The following RIMS1 variants were observed in gnomAD, a reference collection of about 807,000 sequenced individuals.
RIMS1 encodes the protein regulating synaptic membrane exocytosis 1.
RIMS1 carries 83 observed loss-of-function variants against 214.1 expected under a neutral mutation model. The ratio of observed to expected loss-of-function variants is 0.39; its 90% CI spans 0.32 to 0.47. The LOEUF (loss-of-function observed/expected upper bound fraction) is 0.47. Ranked by LOEUF, RIMS1 falls within the 20% of genes least tolerant of loss-of-function variation. The pLI, the probability that RIMS1 is intolerant of heterozygous loss-of-function variation, is 0.99. For missense variants in RIMS1, 2,050 were observed against 2,161.8 expected (o/e 0.95, Z 1.03); for synonymous variants, 793 against 786.8 (o/e 1.01, Z -0.13).
At chr6:72,108,094 C>A (rs957038870) in intron 4 of RIMS1, among the ~76,000 whole-genome samples, 11 of 152,166 alleles carry the variant, frequency 7.2e-5, no homozygotes, top group Admixed American at 4.6e-4. Context: ...TCAGGGCTCA[C>A]TGCAGCCTTG....
At chr6:72,242,040 G>A (rs548246711) in intron 9 of RIMS1, among the ~76,000 whole-genome samples, 1 of 151,906 alleles carries the variant, frequency 6.6e-6, no homozygotes, top group East Asian at 1.9e-4. Flanking sequence ...TATGATTTCT[G>A]GTATATCTCA....
intron 2 of RIMS1, among the ~76,000 whole-genome samples, chr6:72,083,714 C>G (rs9360524): frequency 0.34 from 51,079 of 152,056 alleles, 10,080 homozygotes; most frequent in South Asian, 0.47. Flanking sequence ...CCATAGGCTA[C>G]ACACGGTGCT....
chr6:71,968,600 A>G (rs1408433208), intron 1 of RIMS1, among the ~76,000 whole-genome samples: 2 of 152,226 alleles, frequency 1.3e-5, no homozygotes, highest in Non-Finnish European at 2.9e-5. Context: ...AGCAAAAGTC[A>G]CAGAATATCC....
At chr6:72,235,061 CTCTTT>C (rs1174679250) in intron 7 of RIMS1, among the ~76,000 whole-genome samples, 1 of 151,816 alleles carries the variant, frequency 6.6e-6, no homozygotes, top group East Asian at 1.9e-4. Context: ...TGTTCCTATT[CTCTTT>C]TATTTTATTT....
intron 33 of RIMS1, 50 bp downstream of exon 33, chr6:72,399,144 A>C: frequency 2.0e-6 from 3 of 1,466,124 alleles, no homozygotes; most frequent in East Asian, 2.3e-5. Context: ...TGTTTTACCC[A>C]TACATCGAAG....
Position 71,930,296 on chromosome 6 carries a change from T to A in RIMS1, c.165-38687T>A, listed in dbSNP as rs139806630. ...GACATATTTCAAGACTATTTAAATA[T>A]GATATCTTCCATCTTAATTTATTTT... On this transcript the variant is annotated intron_variant, in intron 1 of 33. Transcript: ENST00000521978. Among the ~76,000 whole-genome samples, 198 of 152,190 alleles carry A rather than the reference T, an allele frequency of 1.3e-3. 2 individuals carry two copies. Among genetic ancestry groups the A allele is most frequent in the African/African-American group, 4.7e-3 (195 of 41,564 alleles).
intron 1 of RIMS1, among the ~76,000 whole-genome samples, chr6:71,901,900 A>G (rs945120411): frequency 1.3e-5 from 2 of 152,080 alleles, no homozygotes; most frequent in African/African-American, 2.4e-5. Context: ...TTTTTCTACA[A>G]ATTTATGGGG....
chr6:72,230,805 A>T (rs1285310246), intron 6 of RIMS1, among the ~76,000 whole-genome samples: 2 of 151,564 alleles, frequency 1.3e-5, no homozygotes, highest in Non-Finnish European at 3.0e-5. Flanking sequence ...TAAAAATTTT[A>T]AAATCGCTCA....
intron 26 of RIMS1, among the ~76,000 whole-genome samples, chr6:72,305,736 A>G (rs1357944491): frequency 1.3e-5 from 2 of 152,076 alleles, no homozygotes; most frequent in South Asian, 2.1e-4. Context: ...CAAGCTCTCC[A>G]TTGAACTATC....
Position 72,183,167 on chromosome 6 carries a change from G to C in RIMS1, c.1678+18G>C. On this transcript the variant is annotated intron_variant, in intron 6 of 33. Transcript: ENST00000521978. ...CGAGAAAGGTAAGGGGGCGGCGCCG[G>C]CCGTGCGGGGACTTCAGCCAAGTGA... The C allele has an allele frequency of 6.3e-7, 1 of 1,582,620 alleles. No homozygotes were observed. Among genetic ancestry groups the C allele is most frequent in the Non-Finnish European group, 8.6e-7 (1 of 1,166,734 alleles).
chr6:72,245,361 A>G (rs1407769626), intron 10 of RIMS1, among the ~76,000 whole-genome samples: 1 of 151,962 alleles, frequency 6.6e-6, no homozygotes, highest in African/African-American at 2.4e-5. Context: ...TTTGCCCATG[A>G]TATTCACCAC....
chr6:72,251,771 C>T (rs7760321), intron 15 of RIMS1, among the ~76,000 whole-genome samples: 30,992 of 151,948 alleles, frequency 0.2, 3,992 homozygotes, highest in Non-Finnish European at 0.28. Flanking sequence ...AGTGCATTGG[C>T]GTGATCTCGG....
chr6:72,096,384 G>T (rs983530153), intron 2 of RIMS1, among the ~76,000 whole-genome samples: 1 of 152,164 alleles, frequency 6.6e-6, no homozygotes, highest in Non-Finnish European at 1.5e-5. Context: ...AGGAATGGGG[G>T]ATAGAAGACA....
chr6:72,256,535 A>T (rs1287455288), intron 16 of RIMS1, among the ~76,000 whole-genome samples: 4 of 152,104 alleles, frequency 2.6e-5, no homozygotes, highest in African/African-American at 9.6e-5. Context: ...TACAAAATCT[A>T]TTTATATACC....
At chr6:72,215,006 G>A (rs2055204766) in intron 6 of RIMS1, among the ~76,000 whole-genome samples, 1 of 152,198 alleles carries the variant, frequency 6.6e-6, no homozygotes, top group African/African-American at 2.4e-5. Flanking sequence ...ATAGGCGTGA[G>A]CCACTGCTCC....
chr6:72,194,141 A>C (rs527825309), intron 6 of RIMS1, among the ~76,000 whole-genome samples: 10 of 152,288 alleles, frequency 6.6e-5, no homozygotes, highest in South Asian at 4.1e-4. Context: ...CAGAAGAATC[A>C]ATATGGTTAA....
intron 29 of RIMS1, among the ~76,000 whole-genome samples, chr6:72,380,160 C>A (rs2098461236): frequency 6.6e-6 from 1 of 152,084 alleles, no homozygotes. Flanking sequence ...GAAAACCAAA[C>A]ACCGCATGTT....
intron 6 of RIMS1, among the ~76,000 whole-genome samples, chr6:72,225,630 C>T (rs542655638): frequency 2.6e-5 from 4 of 152,266 alleles, no homozygotes; most frequent in Non-Finnish European, 4.4e-5. Context: ...AACAAATAAA[C>T]CCCAATTTTT....
intron 11 of RIMS1, among the ~76,000 whole-genome samples, chr6:72,246,729 T>C (rs2069963083): frequency 6.6e-6 from 1 of 152,170 alleles, no homozygotes; most frequent in Admixed American, 6.6e-5. Context: ...AGCTTTCTGG[T>C]GACCAATACA....
Sources: gnomAD v4.1 joint callset for allele counts (sites outside exome capture counted in the v4.1 genomes callset) on GRCh38, gnomAD v4.1.1 for gene constraint, MANE v1.5 for transcripts, NCBI Gene and HGNC (gene_info 2026-07-23, HGNC 2026-07-21) for gene names.